Variants in MRAP2 observed in about 807,000 individuals in gnomAD.
MRAP2 encodes melanocortin 2 receptor accessory protein 2.
Under a neutral mutation model 17.4 loss-of-function variants are expected in MRAP2, and 20 were observed. The ratio of observed to expected loss-of-function variants is 1.15; its 90% CI spans 0.81 to 1.67. The LOEUF (loss-of-function observed/expected upper bound fraction) is 1.67. Among genes scored for constraint, MRAP2 ranks in the 40% most tolerant of loss-of-function variants. The pLI is 0.00. For synonymous variants in MRAP2, 96 were observed against 88.4 expected, an observed-to-expected ratio of 1.09 and a Z score of -0.48; for missense variants, 238 against 240.0, an observed-to-expected ratio of 0.99 and a Z score of 0.05.
At chr6:84,081,930 G>C (rs1351927838) in intron 3 of MRAP2, among the ~76,000 whole-genome samples, 1 of 152,150 alleles carries the variant, frequency 6.6e-6, no homozygotes, top group Non-Finnish European at 1.5e-5. Context: ...CACTAAAATT[G>C]TAAGTTTCCT....
At chr6:84,091,534 A>G (rs1233877058), downstream of MRAP2, among the ~76,000 whole-genome samples, 1 of 152,118 alleles carries the variant, frequency 6.6e-6, no homozygotes, top group Non-Finnish European at 1.5e-5. Flanking sequence ...GCCTGGCCAG[A>G]GTTTAACTTC....
chr6:84,077,571 AT>A lies in MRAP2; in HGVS notation c.228-11517del, dbSNP rs2099497926. 2.6e-5 allele frequency among the ~76,000 whole-genome samples: 4 copies of A among 152,182 alleles called. No homozygotes were observed. The South Asian group carries it at 8.3e-4, about 32-fold the overall frequency. ...TCTCCATATACTTAGGTCTTCTTCAATTTCCCTTTGTAATGTTTTGAAAATT... is the reference window on the plus strand; with the variant it reads ...TCTCCATATACTTAGGTCTTCTTCAATTCCCTTTGTAATGTTTTGAAAATT... On this transcript the variant is annotated intron_variant, in intron 3 of 3. Transcript: ENST00000257776.
At chr6:84,127,465 A>G in the MRAP2 span, among the ~76,000 whole-genome samples, 1 of 152,126 alleles carries the variant, frequency 6.6e-6, no homozygotes, top group Non-Finnish European at 1.5e-5. Context: ...TATACAGACT[A>G]TAATTGGGAT....
At chr6:84,118,296 A>C in the MRAP2 span, among the ~76,000 whole-genome samples, 1 of 151,658 alleles carries the variant, frequency 6.6e-6, no homozygotes, top group Non-Finnish European at 1.5e-5. Flanking sequence ...GTGCTGGGAA[A>C]CCACCTCTGC....
chr6:84,070,935 A>G (rs2099496050), intron 3 of MRAP2, among the ~76,000 whole-genome samples: 1 of 151,836 alleles, frequency 6.6e-6, no homozygotes, highest in Non-Finnish European at 1.5e-5. Context: ...CCACCCCTTT[A>G]CTTTAAGTTT....
chr6:84,134,562 T>TGGCACAGTCCCTCAC, the MRAP2 span, among the ~76,000 whole-genome samples: 1 of 152,062 alleles, frequency 6.6e-6, no homozygotes, highest in Admixed American at 6.6e-5. Context: ...CCGTTCCTCA[T>TGGCACAGTCCCTCAC]GGCACAGTCC....
At chr6:84,035,587 G>C (rs1378551942) in intron 1 of MRAP2, 2 of 219,592 alleles carry the variant, frequency 9.1e-6, no homozygotes, top group Non-Finnish European at 1.5e-5. Context: ...GCAAGGGAAA[G>C]TACTGTTTTG....
At chr6:84,143,251 T>A in the MRAP2 span, among the ~76,000 whole-genome samples, 2 of 152,072 alleles carry the variant, frequency 1.3e-5, no homozygotes, top group Non-Finnish European at 2.9e-5. Flanking sequence ...AAATCACCTG[T>A]TCTTATTGTC....
intron 1 of MRAP2, among the ~76,000 whole-genome samples, chr6:84,038,464 C>A (rs113207614): frequency 0.012 from 1,888 of 151,992 alleles, 46 homozygotes; most frequent in African/African-American, 0.044. Flanking sequence ...CATTTTAATT[C>A]TTTTAGGTTT....
chr6:84,073,898 T>TTC (rs1562886715), intron 3 of MRAP2, among the ~76,000 whole-genome samples: 1 of 151,530 alleles, frequency 6.6e-6, no homozygotes, highest in African/African-American at 2.4e-5. Context: ...GTTTTTTTTT[T>TTC]TTTTTCTCAT....
intron 1 of MRAP2, among the ~76,000 whole-genome samples, chr6:84,053,339 A>T (rs1341555611): frequency 6.6e-6 from 1 of 152,230 alleles, no homozygotes; most frequent in Admixed American, 6.5e-5. Context: ...TTTCCTTAAT[A>T]AAAAAAGGAG....
chr6:84,064,707 T>C (rs546685185), intron 3 of MRAP2, among the ~76,000 whole-genome samples: 1 of 152,266 alleles, frequency 6.6e-6, no homozygotes, highest in South Asian at 2.1e-4. Context: ...CAGGATGGTC[T>C]CGATCTGCTG....
chr6:84,064,675 G>C (rs1240667557), intron 3 of MRAP2, among the ~76,000 whole-genome samples: 1 of 152,122 alleles, frequency 6.6e-6, no homozygotes, highest in Non-Finnish European at 1.5e-5. Flanking sequence ...TTTTAGTAGA[G>C]ACAGGGTTTC....
chr6:84,047,934 GT>G (rs1377685161), intron 1 of MRAP2, among the ~76,000 whole-genome samples: 1 of 152,188 alleles, frequency 6.6e-6, no homozygotes, highest in East Asian at 1.9e-4. Context: ...GTTCATCAAT[GT>G]TGTGGCATGT....
chr6:84,076,508 G>A (rs1032440558), intron 3 of MRAP2, among the ~76,000 whole-genome samples: 5 of 152,012 alleles, frequency 3.3e-5, no homozygotes, highest in African/African-American at 1.2e-4. Flanking sequence ...ACAGGTGTGA[G>A]CCACTGCACC....
intron 1 of MRAP2, among the ~76,000 whole-genome samples, chr6:84,045,916 G>A (rs2129160435): frequency 6.6e-6 from 1 of 152,320 alleles, no homozygotes. Context: ...ATTTCGTTAA[G>A]TTACAGAATC....
chr6:84,114,761 A>C, the MRAP2 span, among the ~76,000 whole-genome samples: 7 of 152,116 alleles, frequency 4.6e-5, no homozygotes, highest in Admixed American at 3.3e-4. Context: ...GGGTCTCTGC[A>C]TGGACGTCCT....
chr6:84,049,147 G>T (rs1481022661), intron 1 of MRAP2, among the ~76,000 whole-genome samples: 1 of 152,142 alleles, frequency 6.6e-6, no homozygotes, highest in African/African-American at 2.4e-5. Context: ...ACTTCTGGCT[G>T]GGTGCGGTGG....
At chr6:84,100,850 T>C in the MRAP2 span, among the ~76,000 whole-genome samples, 2 of 152,136 alleles carry the variant, frequency 1.3e-5, no homozygotes, top group Non-Finnish European at 2.9e-5. Flanking sequence ...ACTAGTTTTA[T>C]ACTTTGCAGG....
Sources: gnomAD v4.1 joint callset for allele counts (sites outside exome capture counted in the v4.1 genomes callset) on GRCh38, gnomAD v4.1.1 for gene constraint, MANE v1.5 for transcripts, NCBI Gene and HGNC (gene_info 2026-07-23, HGNC 2026-07-21) for gene names.